Variants in ELF2 observed in about 807,000 individuals in gnomAD.
The protein encoded by ELF2 is ETS-related transcription factor Elf-2.
Under a neutral mutation model 54.8 loss-of-function variants are expected in ELF2, and 11 were observed. The ratio of observed to expected loss-of-function variants is 0.20; its 90% CI spans 0.13 to 0.33. The LOEUF is 0.33. Ranked by LOEUF, ELF2 falls within the 10% of genes least tolerant of loss-of-function variation. The pLI, the probability that ELF2 is intolerant of heterozygous loss-of-function variation, is 1.00. For synonymous variants in ELF2, 203 were observed against 245.1 expected (o/e 0.83, Z 1.61); for missense variants, 513 against 703.0 (o/e 0.73, Z 3.06).
Position 139,171,721 on chromosome 4 carries a change from G to A in ELF2, c.-252+5246C>T, listed in dbSNP as rs144918346. On this transcript the variant is annotated intron_variant, in intron 1 of 9. Coordinates refer to ENST00000686138, the MANE Select transcript of ELF2 (RefSeq NM_001331036.3). ...GGAGGACTGCCTGAGCTCAGGATTCGAGACCAGCCTGGGCAACATGGTGAA... is the reference window on the plus strand; with the variant it reads ...GGAGGACTGCCTGAGCTCAGGATTCAAGACCAGCCTGGGCAACATGGTGAA... 3.6e-3 allele frequency among the ~76,000 whole-genome samples: 546 copies of A among 152,124 alleles called. 7 individuals are homozygous for A. The highest frequency in any genetic ancestry group is 0.012 in the African/African-American group (515 of 41,510).
rs1273628292 is a variant in ELF2, at chr4:139,170,262, T to C, written c.-252+6705A>G. On this transcript the variant is annotated intron_variant, in intron 1 of 9. Transcript: ENST00000686138. ...CACTTTAAAAGATCTTAATCGCCTTTTTTTTTTTTTTTTTTTTTTTGAGAC... is the reference window on the plus strand; with the variant it reads ...CACTTTAAAAGATCTTAATCGCCTTCTTTTTTTTTTTTTTTTTTTTGAGAC... 6.0e-3 allele frequency among the ~76,000 whole-genome samples: 87 copies of C among 14,412 alleles called. 1 individual carries two copies. The South Asian group carries it at 0.13, about 21-fold the overall frequency. 9.5% of individuals were successfully genotyped at this position (14,412 alleles called of 152,430 possible). A position where few individuals can be genotyped will look rare whatever the true frequency, so the allele number is the denominator to read the frequency against.
intron 1 of ELF2, among the ~76,000 whole-genome samples, chr4:139,150,827 C>G (rs377113028): frequency 1.3e-5 from 2 of 151,710 alleles, no homozygotes; most frequent in East Asian, 3.9e-4. Flanking sequence ...TTGAGACCAT[C>G]CTCGCTAACA....
chr4:139,075,657 G>A (rs1730205318), intron 4 of ELF2, among the ~76,000 whole-genome samples: 1 of 152,138 alleles, frequency 6.6e-6, no homozygotes, highest in African/African-American at 2.4e-5. Flanking sequence ...TTGAACTCCT[G>A]ACCTCAGGTG....
At chr4:139,166,566 GC>G (rs919444328) in intron 1 of ELF2, among the ~76,000 whole-genome samples, 1 of 151,982 alleles carries the variant, frequency 6.6e-6, no homozygotes. Context: ...TTAAGATTAA[GC>G]AACACAAAAT....
At chr4:139,172,878 A>T (rs1250171251) in intron 1 of ELF2, among the ~76,000 whole-genome samples, 1 of 13,046 alleles carries the variant, frequency 7.7e-5, no homozygotes, top group African/African-American at 3.1e-4. Flanking sequence ...TCCCACACAG[A>T]TAACGGGGGG....
chr4:139,081,413 G>T (rs1731096945), intron 4 of ELF2, among the ~76,000 whole-genome samples: 1 of 152,118 alleles, frequency 6.6e-6, no homozygotes, highest in South Asian at 2.1e-4. Context: ...TTATATACTT[G>T]CTTAGAAACA....
intron 4 of ELF2, chr4:139,114,946 G>A: frequency 1.2e-6 from 2 of 1,613,410 alleles, no homozygotes; most frequent in Non-Finnish European, 8.5e-7. Context: ...CTTCTGGGGT[G>A]TGCTCAGCTT....
intron 1 of ELF2, among the ~76,000 whole-genome samples, chr4:139,162,455 C>G (rs1170277088): frequency 6.6e-6 from 1 of 152,098 alleles, no homozygotes; most frequent in Non-Finnish European, 1.5e-5. Context: ...TGCTTGAACC[C>G]GGGAAGTGGA....
intron 1 of ELF2, among the ~76,000 whole-genome samples, chr4:139,173,544 G>T (rs909892343): frequency 2.0e-5 from 3 of 150,868 alleles, no homozygotes; most frequent in African/African-American, 4.9e-5. Context: ...GGATCATGAG[G>T]TCAGGAGATC....
chr4:139,151,022 TC>T (rs1560870705), intron 1 of ELF2, among the ~76,000 whole-genome samples: 59 of 51,920 alleles, frequency 1.1e-3, no homozygotes, highest in African/African-American at 7.0e-3. Flanking sequence ...AGGCTCCATC[TC>T]AAAAAAAAAA....
intron 1 of ELF2, among the ~76,000 whole-genome samples, chr4:139,160,888 G>A (rs1174790857): frequency 2.0e-5 from 3 of 152,096 alleles, no homozygotes; most frequent in African/African-American, 2.4e-5. Context: ...TCTTGAACCC[G>A]GGAGGTGGAG....
intron 1 of ELF2, among the ~76,000 whole-genome samples, chr4:139,150,280 T>C (rs1739735846): frequency 6.6e-6 from 1 of 151,746 alleles, no homozygotes; most frequent in African/African-American, 2.4e-5. Flanking sequence ...GGCAAGAGAA[T>C]TGCTTGAACC....
At chr4:139,111,616 A>G (rs1734955946) in intron 4 of ELF2, among the ~76,000 whole-genome samples, 1 of 152,036 alleles carries the variant, frequency 6.6e-6, no homozygotes, top group African/African-American at 2.4e-5. Flanking sequence ...CATGGCATTC[A>G]ATCAGGACTC....
intron 9 of ELF2, among the ~76,000 whole-genome samples, 195 bp downstream of exon 9, chr4:139,060,129 C>T (rs1326848526): frequency 1.3e-5 from 2 of 152,174 alleles, no homozygotes; most frequent in East Asian, 1.9e-4. Flanking sequence ...TGATTATAGG[C>T]GTGAACCACT....
chr4:139,173,054 T>G (rs1047901374), intron 1 of ELF2, among the ~76,000 whole-genome samples: 1 of 151,982 alleles, frequency 6.6e-6, no homozygotes, highest in Non-Finnish European at 1.5e-5. Flanking sequence ...ATTCCACTTA[T>G]ACAAAATATC....
intron 6 of ELF2, among the ~76,000 whole-genome samples, chr4:139,070,393 C>A (rs182312094): frequency 2.5e-3 from 381 of 150,462 alleles, no homozygotes; most frequent in African/African-American, 8.5e-3. Flanking sequence ...CGGGTTCAAG[C>A]GATTCTCCTG....
At chr4:139,087,225 C>T (rs1274966289) in intron 4 of ELF2, among the ~76,000 whole-genome samples, 1 of 152,188 alleles carries the variant, frequency 6.6e-6, no homozygotes, top group Non-Finnish European at 1.5e-5. Flanking sequence ...CAATTATTAG[C>T]AGCTACTCTT....
At chr4:139,075,880 C>T (rs1270002130) in intron 4 of ELF2, among the ~76,000 whole-genome samples, 2 of 152,152 alleles carry the variant, frequency 1.3e-5, no homozygotes, top group Admixed American at 1.3e-4. Flanking sequence ...CGTTCTGAAA[C>T]ATGAATATTT....
chr4:139,127,465 T>C (rs912061698), intron 3 of ELF2, among the ~76,000 whole-genome samples: 1 of 152,212 alleles, frequency 6.6e-6, no homozygotes, highest in Non-Finnish European at 1.5e-5. Flanking sequence ...TCTATGATAA[T>C]ATTGCCCTTT....
Sources: allele counts gnomAD v4.1 joint callset (sites outside exome capture counted in the v4.1 genomes callset), GRCh38; gene constraint gnomAD v4.1.1; transcripts MANE v1.5; gene names NCBI Gene and HGNC (gene_info 2026-07-23, HGNC 2026-07-21).